The following PAK1 variants were observed in gnomAD, a reference collection of about 807,000 sequenced individuals.
PAK1 encodes serine/threonine-protein kinase PAK 1.
Under a neutral mutation model 67.4 loss-of-function variants are expected in PAK1, and 29 were observed. The observed-to-expected ratio is 0.43, with a 90% confidence interval of 0.32 to 0.59. The LOEUF (loss-of-function observed/expected upper bound fraction) is 0.59, where lower values mean the gene tolerates loss of function less well. PAK1 is among the 20% of genes least tolerant of loss of function. PAK1 has a pLI of 0.07. For missense variants in PAK1, 337 were observed against 670.7 expected (o/e 0.50, Z 5.50); for synonymous variants, 223 against 237.4 (o/e 0.94, Z 0.56).
chr11:77,335,707 T>G (rs1942571928), intron 13 of PAK1, among the ~76,000 whole-genome samples: 1 of 152,196 alleles, frequency 6.6e-6, no homozygotes, highest in African/African-American at 2.4e-5. Flanking sequence ...TTCCCAACTC[T>G]GCAGAATAAA....
intron 1 of PAK1, among the ~76,000 whole-genome samples, chr11:77,472,862 A>G (rs1957932554): frequency 6.6e-6 from 1 of 152,070 alleles, no homozygotes; most frequent in Admixed American, 6.5e-5. Flanking sequence ...CGCCACACCC[A>G]CTACTTCTCA....
intron 1 of PAK1, among the ~76,000 whole-genome samples, chr11:77,465,631 A>C (rs1487475780): frequency 1.3e-5 from 2 of 152,154 alleles, no homozygotes; most frequent in Non-Finnish European, 2.9e-5. Context: ...TGGTGAGATA[A>C]TTCCATATGA....
intron 1 of PAK1, among the ~76,000 whole-genome samples, chr11:77,416,823 G>T (rs922681472): frequency 6.6e-6 from 1 of 152,092 alleles, no homozygotes; most frequent in African/African-American, 2.4e-5. Flanking sequence ...CGTGGTGGCG[G>T]GCGCCTATAG....
At chr11:77,489,600 C>T in the PAK1 span, among the ~76,000 whole-genome samples, 25 of 152,276 alleles carry the variant, frequency 1.6e-4, no homozygotes, top group East Asian at 2.3e-3. Flanking sequence ...AGGCGCGCGC[C>T]GCCACGCCTG....
chr11:77,521,386 G>C, the PAK1 span, among the ~76,000 whole-genome samples: 1 of 152,118 alleles, frequency 6.6e-6, no homozygotes, highest in Non-Finnish European at 1.5e-5. Context: ...AAAATTAGCC[G>C]GGCATGGTGG....
At chr11:77,340,522 G>A (rs1371431885) in intron 11 of PAK1, 124 bp downstream of exon 11, 1 of 697,548 alleles carries the variant, frequency 1.4e-6, no homozygotes, top group Admixed American at 2.0e-5. Flanking sequence ...AATGATAGCA[G>A]TGTCAGCACT....
At chr11:77,519,290 T>C in the PAK1 span, among the ~76,000 whole-genome samples, 1 of 152,228 alleles carries the variant, frequency 6.6e-6, no homozygotes, top group Non-Finnish European at 1.5e-5. Flanking sequence ...TATTGATTTG[T>C]TGATTAAACT....
chr11:77,406,116 G>T (rs919395655), intron 1 of PAK1, among the ~76,000 whole-genome samples: 1 of 152,050 alleles, frequency 6.6e-6, no homozygotes, highest in South Asian at 2.1e-4. Flanking sequence ...GACCTTCCTT[G>T]CTCGGAACCT....
the PAK1 span, among the ~76,000 whole-genome samples, chr11:77,494,684 T>C: frequency 6.6e-6 from 1 of 151,464 alleles, no homozygotes; most frequent in Admixed American, 6.6e-5. Flanking sequence ...TGGAAAATGA[T>C]ACAGACACCA....
chr11:77,331,431 T>C (rs1941487519), intron 14 of PAK1, among the ~76,000 whole-genome samples: 1 of 152,186 alleles, frequency 6.6e-6, no homozygotes. Context: ...GTGGCACATA[T>C]ACACCATGGA....
At chr11:77,523,420 CT>C in the PAK1 span, among the ~76,000 whole-genome samples, 339 of 140,250 alleles carry the variant, frequency 2.4e-3, no homozygotes, top group East Asian at 3.3e-3. Context: ...ATGCTTTCTA[CT>C]TTTTTTTTTT....
intron 2 of PAK1, among the ~76,000 whole-genome samples, chr11:77,381,138 A>AGAGTGTGTGT (rs1949753822): frequency 6.9e-6 from 1 of 144,368 alleles, no homozygotes; most frequent in African/African-American, 2.6e-5. Flanking sequence ...CTCACCACAG[A>AGAGTGTGTGT]GTGTGTGTGT....
At chr11:77,385,452 G>A (rs191363607) in intron 2 of PAK1, among the ~76,000 whole-genome samples, 1 of 152,344 alleles carries the variant, frequency 6.6e-6, no homozygotes, top group African/African-American at 2.4e-5. Flanking sequence ...ATCTGTCTAA[G>A]ATTACAGGGG....
intron 1 of PAK1, among the ~76,000 whole-genome samples, chr11:77,402,228 G>C (rs1185832373): frequency 6.6e-6 from 1 of 152,112 alleles, no homozygotes; most frequent in East Asian, 1.9e-4. Context: ...TATCTGGGAG[G>C]CTTCCTACAA....
chr11:77,516,056 T>G, the PAK1 span, among the ~76,000 whole-genome samples: 1 of 152,196 alleles, frequency 6.6e-6, no homozygotes, highest in African/African-American at 2.4e-5. Flanking sequence ...TCTGTGCCAT[T>G]TGTTTTTAGC....
intron 10 of PAK1, among the ~76,000 whole-genome samples, chr11:77,342,907 G>A (rs1009147960): frequency 2.0e-5 from 3 of 148,854 alleles, no homozygotes; most frequent in African/African-American, 7.4e-5. Flanking sequence ...TTCAGGTATC[G>A]GAGAAAAGAA....
At chr11:77,379,861 A>G (rs1462157706) in intron 3 of PAK1, 33 bp downstream of exon 3, 2 of 1,422,466 alleles carry the variant, frequency 1.4e-6, no homozygotes, top group Non-Finnish European at 2.0e-6. Context: ...GAACTCTAAA[A>G]GACTAAAGAC....
intron 5 of PAK1, among the ~76,000 whole-genome samples, chr11:77,359,487 C>T (rs1946488942): frequency 6.6e-6 from 1 of 152,128 alleles, no homozygotes. Flanking sequence ...CAGGCTTTTG[C>T]CCTGCCCTTT....
intron 1 of PAK1, among the ~76,000 whole-genome samples, chr11:77,409,719 TATGTAGGAGGTAAAAAAA>T (rs1371696724): frequency 4.6e-5 from 7 of 151,884 alleles, no homozygotes; most frequent in Non-Finnish European, 8.8e-5. Flanking sequence ...TTCTCACTCA[TATGTAGGAGGTAAAAAAA>T]GTAGATCTCA....
Sources: gnomAD v4.1 joint callset for allele counts (sites outside exome capture counted in the v4.1 genomes callset) on GRCh38, gnomAD v4.1.1 for gene constraint, MANE v1.5 for transcripts, NCBI Gene and HGNC (gene_info 2026-07-23, HGNC 2026-07-21) for gene names.